PRKD1: variants seen among roughly 807,000 people sequenced by gnomAD.
PRKD1 encodes the protein protein kinase D1, also known as serine/threonine-protein kinase D1.
PRKD1 carries 63 observed loss-of-function variants against 95.9 expected under a neutral mutation model. That is an observed-to-expected ratio of 0.66 (90% confidence interval 0.54 to 0.81). The LOEUF is 0.81. Ranked by LOEUF, PRKD1 falls within the 30% of genes least tolerant of loss-of-function variation. The probability of loss-of-function intolerance (pLI) is 0.00; values close to 1 mark genes in which losing one functional copy is unlikely to be tolerated. For missense variants in PRKD1, 1,048 were observed against 1,165.3 expected (o/e 0.90, Z 1.47); for synonymous variants, 425 against 423.1 (o/e 1.00, Z -0.05).
intron 1 of PRKD1, among the ~76,000 whole-genome samples, chr14:29,918,966 T>G (rs959153386): frequency 2.0e-5 from 3 of 152,186 alleles, no homozygotes; most frequent in African/African-American, 7.2e-5. Context: ...ATTAATACTT[T>G]TCAACTGTTT....
At chr14:29,688,001 G>T (rs1004578130) in intron 2 of PRKD1, among the ~76,000 whole-genome samples, 1 of 152,152 alleles carries the variant, frequency 6.6e-6, no homozygotes, top group Non-Finnish European at 1.5e-5. Flanking sequence ...ATTTATCACA[G>T]AGTCCAGGAA....
chr14:29,832,847 C>T (rs1027336506), intron 1 of PRKD1, among the ~76,000 whole-genome samples: 5 of 152,106 alleles, frequency 3.3e-5, no homozygotes, highest in East Asian at 3.9e-4. Flanking sequence ...CTCCCAGTGA[C>T]GTACTAGTAT....
intron 2 of PRKD1, among the ~76,000 whole-genome samples, chr14:29,711,402 C>T (rs1885328673): frequency 6.6e-6 from 1 of 152,074 alleles, no homozygotes; most frequent in Non-Finnish European, 1.5e-5. Context: ...CAGCTATAAA[C>T]TAGATCCAAC....
chr14:29,663,330 A>C (rs896960939), intron 4 of PRKD1, among the ~76,000 whole-genome samples: 3 of 151,876 alleles, frequency 2.0e-5, no homozygotes, highest in Non-Finnish European at 4.4e-5. Context: ...CCCAAAATAA[A>C]TATTCAGCCA....
At chr14:29,593,897 T>C (rs1262868025) in intron 16 of PRKD1, among the ~76,000 whole-genome samples, 3 of 152,168 alleles carry the variant, frequency 2.0e-5, no homozygotes, top group Non-Finnish European at 4.4e-5. Flanking sequence ...GAATAATTAA[T>C]GAGTAAAATA....
At chr14:29,903,892 T>C (rs887562771) in intron 1 of PRKD1, among the ~76,000 whole-genome samples, 1 of 152,122 alleles carries the variant, frequency 6.6e-6, no homozygotes, top group Non-Finnish European at 1.5e-5. Flanking sequence ...AAAATAAAGA[T>C]ACCAAGAAAC....
intron 2 of PRKD1, among the ~76,000 whole-genome samples, chr14:29,668,411 G>A (rs1882645055): frequency 2.6e-5 from 4 of 152,120 alleles, no homozygotes; most frequent in Admixed American, 2.6e-4. Flanking sequence ...AAAACCATAT[G>A]ACAGGGCAAC....
chr14:29,647,578 T>A (rs1439865992), intron 4 of PRKD1, among the ~76,000 whole-genome samples: 3 of 152,190 alleles, frequency 2.0e-5, no homozygotes, highest in Non-Finnish European at 4.4e-5. Flanking sequence ...CTGGCCTGGG[T>A]TTATGGTCTC....
At chr14:29,732,125 G>T (rs1441054007) in intron 1 of PRKD1, among the ~76,000 whole-genome samples, 1 of 152,032 alleles carries the variant, frequency 6.6e-6, no homozygotes, top group Non-Finnish European at 1.5e-5. Context: ...CACTCACCTT[G>T]GCCTCCCAAA....
rs762174050 is a variant in PRKD1, at chr14:29,632,960, T to C, written c.1315-14A>G. On this transcript the variant is annotated splice_polypyrimidine_tract_variant and intron_variant, in intron 8 of 17. Coordinates refer to ENST00000331968, the MANE Select transcript of PRKD1 (RefSeq NM_002742.3). The stretch of plus-strand genomic sequence containing the variant: ...GTGCCGTTTCCGCTGAAACAGAAGT[T>C]AGATCCAAGATCTTTTTAAAAAACT... 1 of 1,603,642 alleles carries C rather than the reference T, an allele frequency of 6.2e-7. No homozygotes were observed. The highest frequency in any genetic ancestry group is 1.1e-5 in the South Asian group (1 of 90,858).
chr14:29,647,145 CA>C (rs1354490208), intron 4 of PRKD1, among the ~76,000 whole-genome samples: 1 of 152,016 alleles, frequency 6.6e-6, no homozygotes, highest in Non-Finnish European at 1.5e-5. Flanking sequence ...ATGGAGAATC[CA>C]TTTCTTAAAT....
chr14:29,621,073 A>C (rs1198921317), intron 13 of PRKD1, among the ~76,000 whole-genome samples: 2 of 144,046 alleles, frequency 1.4e-5, no homozygotes, highest in African/African-American at 2.5e-5. Flanking sequence ...CATCATTCTC[A>C]GTAAACTATC....
At chr14:29,800,963 T>C (rs1424383459) in intron 1 of PRKD1, among the ~76,000 whole-genome samples, 1 of 152,002 alleles carries the variant, frequency 6.6e-6, no homozygotes, top group Non-Finnish European at 1.5e-5. Context: ...AATTTGAGAG[T>C]TTAAAGTAAT....
At chr14:29,718,925 A>C (rs1885751968) in intron 2 of PRKD1, among the ~76,000 whole-genome samples, 1 of 152,182 alleles carries the variant, frequency 6.6e-6, no homozygotes, top group South Asian at 2.1e-4. Context: ...TGGGGTTTTT[A>C]TCTTCTGCCT....
intron 6 of PRKD1, 39 bp from the exon 7 acceptor site, chr14:29,636,533 T>TCTTGGAGCCAGGG: frequency 2.5e-6 from 4 of 1,605,138 alleles, no homozygotes; most frequent in Non-Finnish European, 2.6e-6. Flanking sequence ...AAGCCTGGAA[T>TCTTGGAGCCAGGG]CTTGGAGCCA....
chr14:29,864,290 C>T (rs1424346946), intron 1 of PRKD1, among the ~76,000 whole-genome samples: 3 of 151,986 alleles, frequency 2.0e-5, no homozygotes, highest in African/African-American at 7.2e-5. Flanking sequence ...TTCATTCCAA[C>T]CTACAAAGAG....
chr14:29,609,717 T>TA lies in PRKD1; in HGVS notation c.1906-9901_1906-9900insT, dbSNP rs796085581. On this transcript the variant is annotated intron_variant, in intron 13 of 17. Coordinates refer to ENST00000331968, the MANE Select transcript of PRKD1 (RefSeq NM_002742.3). ...CACCACGCCCAGCTATTTCTTTATTTTTTTTTTTTTTTTGTACTTTTAGTA... is the reference window on the plus strand; with the variant it reads ...CACCACGCCCAGCTATTTCTTTATTTATTTTTTTTTTTTTGTACTTTTAGTA... Among the ~76,000 whole-genome samples, 415 of 106,872 alleles carry TA rather than the reference T, an allele frequency of 3.9e-3. 4 individuals are homozygous for TA. Among genetic ancestry groups the TA allele is most frequent in the African/African-American group, 8.6e-3 (249 of 29,066 alleles). 70.1% of individuals were successfully genotyped at this position (106,872 alleles called of 152,430 possible). A position where few individuals can be genotyped will look rare whatever the true frequency, so the allele number is the denominator to read the frequency against.
intron 2 of PRKD1, among the ~76,000 whole-genome samples, chr14:29,672,308 T>C (rs570444920): frequency 2.0e-3 from 303 of 151,530 alleles, no homozygotes; most frequent in African/African-American, 6.9e-3. Flanking sequence ...GCCACTGCAC[T>C]CCAGCCTGGG....
intron 1 of PRKD1, among the ~76,000 whole-genome samples, chr14:29,806,680 G>A (rs1890249272): frequency 6.6e-6 from 1 of 152,128 alleles, no homozygotes; most frequent in Admixed American, 6.5e-5. Context: ...ATATTCTACT[G>A]AAAACTTAAA....
Sources: gnomAD v4.1 joint callset for allele counts (sites outside exome capture counted in the v4.1 genomes callset) on GRCh38, gnomAD v4.1.1 for gene constraint, MANE v1.5 for transcripts, NCBI Gene and HGNC (gene_info 2026-07-23, HGNC 2026-07-21) for gene names.